TSHR: variants seen among roughly 807,000 people sequenced by gnomAD.
The protein encoded by TSHR is thyrotropin receptor.
TSHR carries 51 observed loss-of-function variants against 64.1 expected under a neutral mutation model. The observed-to-expected ratio is 0.80, with a 90% confidence interval of 0.64 to 1.01. TSHR has a LOEUF of 1.01. Among genes scored for constraint, TSHR ranks in the 50% least tolerant of loss-of-function variants. TSHR has a pLI of 0.00. For synonymous variants in TSHR, 361 were observed against 361.9 expected, an observed-to-expected ratio of 1.00 and a Z score of 0.03; for missense variants, 877 against 942.8, an observed-to-expected ratio of 0.93 and a Z score of 0.91.
At chr14:81,026,602 T>C (rs1884066534) in intron 1 of TSHR, among the ~76,000 whole-genome samples, 1 of 152,140 alleles carries the variant, frequency 6.6e-6, no homozygotes, top group African/African-American at 2.4e-5. Context: ...ATGAATAAGG[T>C]GACCTTTCTG....
chr14:81,056,719 C>T (rs1885830873), intron 1 of TSHR, among the ~76,000 whole-genome samples: 4 of 152,136 alleles, frequency 2.6e-5, no homozygotes. Context: ...TCAGATCACA[C>T]ACAAAAAAAG....
chr14:80,992,568 C>T (rs181600714), intron 1 of TSHR: 5 of 152,090 alleles, frequency 3.3e-5, no homozygotes, highest in Middle Eastern at 3.4e-3. Flanking sequence ...AGAGGACAGA[C>T]GTCAACTTAT....
chr14:81,038,390 T>C (rs1439075167), intron 1 of TSHR, among the ~76,000 whole-genome samples: 1 of 142,732 alleles, frequency 7.0e-6, no homozygotes, highest in African/African-American at 2.6e-5. Context: ...AATAGAAAGA[T>C]ATCAAATAAA....
chr14:81,140,372 C>T (rs1217348980), intron 9 of TSHR, among the ~76,000 whole-genome samples: 1 of 152,186 alleles, frequency 6.6e-6, no homozygotes, highest in Non-Finnish European at 1.5e-5. Flanking sequence ...ATTTTTCAAG[C>T]TGTGTTATCC....
chr14:80,998,410 A>G lies in TSHR; in HGVS notation c.170+42560A>G, dbSNP rs73347935. The stretch of plus-strand genomic sequence containing the variant: ...GAATTTGCATTTTAGACAGACAGCC[A>G]GCAATGATCAAATAATTACATGTTT... On this transcript the variant is annotated intron_variant, in intron 1 of 9. Transcript: ENST00000298171. 8.5e-3 allele frequency among the ~76,000 whole-genome samples: 1,297 copies of G among 152,250 alleles called. 21 individuals are homozygous for G. The highest frequency in any genetic ancestry group is 0.029 in the African/African-American group (1,201 of 41,546).
chr14:81,134,624 G>C (rs1184777312), intron 8 of TSHR, among the ~76,000 whole-genome samples: 1 of 152,162 alleles, frequency 6.6e-6, no homozygotes. Context: ...TTTAGTAGAA[G>C]AGATGGAAGA....
At chr14:81,100,322 T>C (rs1889494850) in intron 7 of TSHR, among the ~76,000 whole-genome samples, 1 of 152,164 alleles carries the variant, frequency 6.6e-6, no homozygotes, top group Non-Finnish European at 1.5e-5. Flanking sequence ...TCTGGTGTTC[T>C]ACAGACTTTT....
At chr14:80,975,997 C>T (rs1205090748) in intron 1 of TSHR, among the ~76,000 whole-genome samples, 4 of 151,874 alleles carry the variant, frequency 2.6e-5, no homozygotes, top group Non-Finnish European at 4.4e-5. Context: ...CTGCAAGCTC[C>T]GCCTCCCGGG....
At chr14:81,040,048 C>A (rs1040819546) in intron 1 of TSHR, among the ~76,000 whole-genome samples, 3 of 151,910 alleles carry the variant, frequency 2.0e-5, no homozygotes, top group African/African-American at 7.2e-5. Context: ...CGGCATTGTA[C>A]TAGCTGACTT....
chr14:81,114,726 A>G (rs1176208184), intron 8 of TSHR, among the ~76,000 whole-genome samples: 1 of 152,218 alleles, frequency 6.6e-6, no homozygotes. Context: ...CTCTGGGGGC[A>G]GGGCACAGAC....
rs1432802770 is a variant in TSHR at position 81,144,145 on chromosome 14, T to G, written c.2087T>G (p.Phe696Cys). Residue 696 changes from phenylalanine to cysteine, a missense_variant, in exon 10 of 10, where the codon TTT (phenylalanine) becomes TGT (cysteine). By Grantham distance (205) the Phe-to-Cys change is radical. Coordinates refer to ENST00000298171, the MANE Select transcript of TSHR (RefSeq NM_000369.5). ...GATGTGTTCATCCTACTCAGCAAGT[T>G]TGGCATCTGTAAACGCCAGGCTCAG... ...QRDVFILLSK[F>C]GICKRQAQAY... is the part of the protein sequence containing the mutation. 3 of 1,614,158 alleles carry G rather than the reference T, an allele frequency of 1.9e-6. No individual in the cohort carries two copies. The highest frequency in any genetic ancestry group is 4.5e-5 in the East Asian group (2 of 44,878).
intron 7 of TSHR, chr14:81,105,347 G>T: frequency 2.9e-5 from 17 of 576,604 alleles, no homozygotes; most frequent in Non-Finnish European, 3.7e-5. Flanking sequence ...CAGATGGAAG[G>T]CAAGAGCAGC....
chr14:81,114,375 AG>A (rs1183553360), intron 8 of TSHR, among the ~76,000 whole-genome samples: 1 of 152,212 alleles, frequency 6.6e-6, no homozygotes, highest in Non-Finnish European at 1.5e-5. Flanking sequence ...CAGAAGCGCA[AG>A]CGGTCAGGGA....
At chr14:81,027,796 G>A (rs1057241415) in intron 1 of TSHR, among the ~76,000 whole-genome samples, 6 of 152,118 alleles carry the variant, frequency 3.9e-5, no homozygotes, top group African/African-American at 1.4e-4. Context: ...CAGGAAATTA[G>A]GGTGTGCAGA....
chr14:81,054,526 G>A (rs933328235), intron 1 of TSHR, among the ~76,000 whole-genome samples: 17 of 152,190 alleles, frequency 1.1e-4, no homozygotes, highest in African/African-American at 4.1e-4. Context: ...GAACTTCCTA[G>A]AGACTTGTTG....
At chr14:80,974,676 T>C (rs1887774667) in intron 1 of TSHR, among the ~76,000 whole-genome samples, 1 of 152,210 alleles carries the variant, frequency 6.6e-6, no homozygotes, top group Non-Finnish European at 1.5e-5. Context: ...AATGTACTTG[T>C]GAAGGATTCC....
chr14:81,003,535 C>G (rs1218706194), intron 1 of TSHR: 1 of 223,168 alleles, frequency 4.5e-6, no homozygotes, highest in East Asian at 1.1e-4. Flanking sequence ...TATGCACACC[C>G]TTGATGGCCT....
intron 1 of TSHR, among the ~76,000 whole-genome samples, chr14:80,976,519 A>G (rs1435223408): frequency 6.6e-6 from 1 of 152,114 alleles, no homozygotes; most frequent in Non-Finnish European, 1.5e-5. Flanking sequence ...GAGGGCCTGA[A>G]CCCATAGTTA....
intron 1 of TSHR, among the ~76,000 whole-genome samples, chr14:81,019,463 T>TTTTC (rs1200855137): frequency 6.6e-6 from 1 of 151,360 alleles, no homozygotes; most frequent in African/African-American, 2.4e-5. Flanking sequence ...AATTCTTTTT[T>TTTTC]TTTTTTTTTT....
Sources: allele counts gnomAD v4.1 joint callset (sites outside exome capture counted in the v4.1 genomes callset), GRCh38; gene constraint gnomAD v4.1.1; transcripts MANE v1.5; gene names NCBI Gene and HGNC (gene_info 2026-07-23, HGNC 2026-07-21).